HMCN1: variants seen among roughly 807,000 people sequenced by gnomAD.
The protein encoded by HMCN1 is hemicentin 1.
A neutral mutation model predicts 625.9 loss-of-function variants in HMCN1; 321 were observed. The observed-to-expected ratio is 0.51, with a 90% confidence interval of 0.47 to 0.56. The LOEUF is 0.56. HMCN1 is among the 20% of genes least tolerant of loss of function. HMCN1 has a pLI of 0.00. For missense variants in HMCN1, 6,588 were observed against 6,887.3 expected, an observed-to-expected ratio of 0.96 and a Z score of 1.54; for synonymous variants, 2,425 against 2,417.6, an observed-to-expected ratio of 1.00 and a Z score of -0.09.
intron 12 of HMCN1, 68 bp from the exon 13 acceptor site, chr1:185,963,700 A>G (rs1571626975): frequency 8.6e-7 from 1 of 1,162,288 alleles, no homozygotes; most frequent in Non-Finnish European, 1.3e-6. Context: ...AAAGGAAAGC[A>G]CTATATTATC....
chr1:186,108,373 C>T, intron 70 of HMCN1, 88 bp from the exon 71 acceptor site: 1 of 1,582,466 alleles, frequency 6.3e-7, no homozygotes, highest in Non-Finnish European at 8.7e-7. Context: ...AATTTTATGC[C>T]TCTTATTATT....
At chr1:185,875,614 A>G (rs547989253) in intron 4 of HMCN1, among the ~76,000 whole-genome samples, 51 of 152,014 alleles carry the variant, frequency 3.4e-4, no homozygotes, top group Non-Finnish European at 4.6e-4. Context: ...ACTATGGATC[A>G]TTTTGCTTTT....
chr1:185,942,520 C>G (rs895169215), intron 11 of HMCN1, among the ~76,000 whole-genome samples: 3 of 152,150 alleles, frequency 2.0e-5, no homozygotes, highest in African/African-American at 7.2e-5. Context: ...TTAAAGAAAG[C>G]TACCAACTAA....
At chr1:186,151,469 A>G in intron 94 of HMCN1, 120 bp downstream of exon 94, 1 of 1,278,296 alleles carries the variant, frequency 7.8e-7, no homozygotes, top group Non-Finnish European at 1.1e-6. Flanking sequence ...CTTTTAAACA[A>G]ACATACATGA....
At chr1:185,982,695 C>A (rs950912731) in intron 18 of HMCN1, among the ~76,000 whole-genome samples, 9 of 152,036 alleles carry the variant, frequency 5.9e-5, no homozygotes, top group African/African-American at 2.2e-4. Context: ...TCCACCTCGG[C>A]CTCTCAAAGT....
chr1:186,171,957 T>C, intron 101 of HMCN1, 49 bp from the exon 102 acceptor site: 3 of 1,575,408 alleles, frequency 1.9e-6, no homozygotes, highest in Non-Finnish European at 2.6e-6. Context: ...TCTGGAAAAG[T>C]TGAATAAATA....
Position 186,174,643 on chromosome 1 carries a change from G to T in HMCN1, c.15943+1G>T, listed in dbSNP as rs377293468. 21 of 1,614,006 alleles carry T rather than the reference G, an allele frequency of 1.3e-5. No individual in the cohort carries two copies. Among genetic ancestry groups the T allele is most frequent in the Non-Finnish European group, 1.8e-5 (21 of 1,179,900 alleles). On this transcript the variant is annotated splice_donor_variant, in intron 103 of 106. Coordinates refer to ENST00000271588, the MANE Select transcript of HMCN1 (RefSeq NM_031935.3). LOFTEE classifies it high-confidence loss of function. Reference sequence around the variant, plus strand: ...CAAGGAGTTGGAAGACCCTGCATGGGTAAGTTAATAGGAACTTGTTGAGCA... The same window carrying T: ...CAAGGAGTTGGAAGACCCTGCATGGTTAAGTTAATAGGAACTTGTTGAGCA...
chr1:185,923,402 A>AT lies in HMCN1; in HGVS notation c.1035dup (p.Val346CysfsTer13). 6.2e-7 allele frequency: 1 copy of AT among 1,609,692 alleles called. No individual in the cohort carries two copies. Among genetic ancestry groups the AT allele is most frequent in the Non-Finnish European group, 8.5e-7 (1 of 1,176,864 alleles). ...CTTTCTCTTGTAGGAATACCTACCT[A>AT]TGTACTGCTCAATACTTCTGGAATT... On this transcript the variant is annotated frameshift_variant, in exon 8 of 107. Coordinates refer to ENST00000271588, the MANE Select transcript of HMCN1 (RefSeq NM_031935.3). LOFTEE classifies it high-confidence loss of function.
At chr1:185,878,253 G>T (rs1212754700) in intron 4 of HMCN1, among the ~76,000 whole-genome samples, 6 of 152,114 alleles carry the variant, frequency 3.9e-5, no homozygotes, top group Non-Finnish European at 5.9e-5. Context: ...TTCACTGATT[G>T]CTCTGGCTAG....
chr1:185,741,165 C>A (rs1416892419), intron 1 of HMCN1, among the ~76,000 whole-genome samples: 3 of 152,118 alleles, frequency 2.0e-5, no homozygotes, highest in Non-Finnish European at 4.4e-5. Context: ...GATGCAGCTG[C>A]CCAATTTTGA....
At chr1:186,098,433 A>T (rs1218516639) in intron 68 of HMCN1, among the ~76,000 whole-genome samples, 2 of 152,174 alleles carry the variant, frequency 1.3e-5, no homozygotes, top group Admixed American at 6.6e-5. Context: ...GAGGTATATG[A>T]AAAAAGCCTC....
chr1:186,129,944 TG>T (rs1558245544), intron 83 of HMCN1, 21 bp from the exon 84 acceptor site: 2 of 1,612,278 alleles, frequency 1.2e-6, no homozygotes, highest in South Asian at 2.2e-5. Context: ...GAGGCACTTG[TG>T]TTGTTTCTTG....
intron 68 of HMCN1, among the ~76,000 whole-genome samples, chr1:186,101,336 A>T (rs1660374617): frequency 6.6e-6 from 1 of 152,136 alleles, no homozygotes. Flanking sequence ...TTTCTGGCTT[A>T]TGTGACTAAT....
chr1:185,869,447 G>C (rs1004187755), intron 4 of HMCN1, among the ~76,000 whole-genome samples: 2 of 151,996 alleles, frequency 1.3e-5, no homozygotes, highest in Non-Finnish European at 2.9e-5. Flanking sequence ...TGGTAGTGTT[G>C]GTATTATGCT....
At chr1:186,142,829 C>G (rs935241322) in intron 89 of HMCN1, among the ~76,000 whole-genome samples, 1 of 152,050 alleles carries the variant, frequency 6.6e-6, no homozygotes, top group Non-Finnish European at 1.5e-5. Flanking sequence ...AATTGTTAAC[C>G]CTCCAATTAA....
chr1:186,084,430 T>G (rs1659351227), intron 57 of HMCN1, among the ~76,000 whole-genome samples: 1 of 152,160 alleles, frequency 6.6e-6, no homozygotes, highest in African/African-American at 2.4e-5. Context: ...TTTCACCAGT[T>G]AATGATGTCT....
intron 64 of HMCN1, 44 bp from the exon 65 acceptor site, chr1:186,093,090 G>A: frequency 6.2e-7 from 1 of 1,611,958 alleles, no homozygotes; most frequent in Non-Finnish European, 8.5e-7. Flanking sequence ...TAGTGAAATA[G>A]ATTCAATCTC....
Position 186,166,835 on chromosome 1 carries a change from A to G in HMCN1, c.15467A>G (p.His5156Arg), listed in dbSNP as rs770537331. The G allele has an allele frequency of 9.9e-6, 16 of 1,614,038 alleles. No individual in the cohort carries two copies. In the African/African-American group the frequency reaches 1.7e-4, roughly 18 times the overall value. ...ATTGATGAGTGTGCTTTGGGTAGGCATACCTGCCACGCTGGTCAGGACTGT... is the reference window on the plus strand; with the variant it reads ...ATTGATGAGTGTGCTTTGGGTAGGCGTACCTGCCACGCTGGTCAGGACTGT... Reference protein sequence around the residue: ...QDIDECALGRHTCHAGQDCDN... With the variant: ...QDIDECALGRRTCHAGQDCDN... Residue 5156 changes from histidine to arginine, a missense_variant, in exon 100 of 107, where the codon CAT becomes CGT. This residue lies in a region of HMCN1 where 1,954 missense variants were observed against 2,013.1 expected (regional missense o/e 0.97). Transcript: ENST00000271588.
chr1:185,859,338 A>G (rs1157122650), intron 2 of HMCN1, among the ~76,000 whole-genome samples: 1 of 152,160 alleles, frequency 6.6e-6, no homozygotes, highest in Non-Finnish European at 1.5e-5. Flanking sequence ...TTAAGTCTAC[A>G]TAAGTCAATC....
Sources: gnomAD v4.1 joint callset for allele counts (sites outside exome capture counted in the v4.1 genomes callset) on GRCh38, gnomAD v4.1.1 for gene constraint, gnomAD v4.1.1 regional missense constraint, MANE v1.5 for transcripts, NCBI Gene and HGNC (gene_info 2026-07-23, HGNC 2026-07-21) for gene names.